Variants in SYNPO2 observed in about 807,000 individuals in gnomAD.
SYNPO2 encodes synaptopodin-2.
Under a neutral mutation model 85.0 loss-of-function variants are expected in SYNPO2, and 56 were observed. The observed-to-expected ratio is 0.66, with a 90% CI of 0.53 to 0.82. SYNPO2 has a LOEUF of 0.82. SYNPO2 is among the 40% of genes least tolerant of loss of function. SYNPO2 has a pLI of 0.00. For synonymous variants in SYNPO2, 602 were observed against 591.1 expected (o/e 1.02, Z -0.27); for missense variants, 1,575 against 1,534.2 (o/e 1.03, Z -0.44).
At position 118,895,764 on chromosome 4, in the gene SYNPO2, G is replaced by T. The variant is rs187680081; in HGVS notation, c.105+6623G>T. On this transcript the variant is annotated intron_variant, in intron 1 of 4. Coordinates refer to ENST00000307142, the MANE Select transcript of SYNPO2 (RefSeq NM_133477.3). ...GGGGACATCAGTATGCAGTGTCATT[G>T]TGACATACACATTATACCTAACTGG... 6.0e-3 allele frequency among the ~76,000 whole-genome samples: 916 copies of T among 152,272 alleles called. 4 individuals carry two copies. Among genetic ancestry groups the T allele is most frequent in the Non-Finnish European group, 9.6e-3 (654 of 68,016 alleles).
intron 1 of SYNPO2, among the ~76,000 whole-genome samples, chr4:118,857,659 TAGTTA>T (rs1221068656): frequency 6.6e-6 from 1 of 152,162 alleles, no homozygotes; most frequent in Non-Finnish European, 1.5e-5. Context: ...ACATGAAAAT[TAGTTA>T]AAAGAAAAGC....
At chr4:118,976,028 T>G (rs115353901) in intron 1 of SYNPO2, among the ~76,000 whole-genome samples, 108 of 152,342 alleles carry the variant, frequency 7.1e-4, no homozygotes, top group Non-Finnish European at 1.3e-3. Flanking sequence ...CTACCAGAGC[T>G]TTTGAAATCT....
intron 4 of SYNPO2, among the ~76,000 whole-genome samples, chr4:119,045,380 G>A (rs1230276872): frequency 6.6e-6 from 1 of 152,122 alleles, no homozygotes; most frequent in African/African-American, 2.4e-5. Context: ...GAGCCCGGGA[G>A]GTTAAGGCTG....
rs1477963009 is a variant in SYNPO2, at chr4:119,060,257, T to C, written c.*2323T>C. ...TGCATGCACTAGATCAATATTATCA[T>C]CTGTATTAAGCTATCTGAATTTATT... On this transcript the variant is annotated 3_prime_UTR_variant, in exon 5 of 5. Transcript: ENST00000307142. 2.0e-5 allele frequency: 3 copies of C among 152,186 alleles called. No individual in the cohort carries two copies. Among genetic ancestry groups the C allele is most frequent in the Non-Finnish European group, 4.4e-5 (3 of 68,018 alleles). 9.4% of individuals were successfully genotyped at this position (152,186 alleles called of 1,614,324 possible).
intron 1 of SYNPO2, among the ~76,000 whole-genome samples, chr4:118,917,383 C>T (rs1173566296): frequency 6.6e-6 from 1 of 152,010 alleles, no homozygotes; most frequent in Non-Finnish European, 1.5e-5. Flanking sequence ...AAGAGTGAAA[C>T]TCCATCTCGA....
chr4:119,005,715 T>C (rs1737009630), intron 1 of SYNPO2, among the ~76,000 whole-genome samples: 1 of 152,140 alleles, frequency 6.6e-6, no homozygotes, highest in Non-Finnish European at 1.5e-5. Flanking sequence ...ATGTGGGCTC[T>C]TTTTTGGTTC....
rs962829411 is a variant in SYNPO2 at position 118,941,842 on chromosome 4, G to A, written c.105+52701G>A. 8.9e-4 allele frequency among the ~76,000 whole-genome samples: 136 copies of A among 152,324 alleles called. 1 individual carries two copies. Among genetic ancestry groups the A allele is most frequent in the African/African-American group, 3.1e-3 (130 of 41,566 alleles). On this transcript the variant is annotated intron_variant, in intron 1 of 4. Coordinates refer to ENST00000307142, the MANE Select transcript of SYNPO2 (RefSeq NM_133477.3). ...ATTCAGAAAGCAGAAAAGAACGAGG[G>A]GAAGGCAGAGGCCACCGCCTTTACT...
intron 4 of SYNPO2, chr4:119,032,352 A>G: frequency 8.0e-7 from 1 of 1,252,432 alleles, no homozygotes; most frequent in Admixed American, 3.7e-5. Flanking sequence ...GCCACAAGAA[A>G]GACAGTGATC....
At position 118,924,664 on chromosome 4, in the gene SYNPO2, G is replaced by A. The variant is rs117861306; in HGVS notation, c.105+35523G>A. 4.6e-5 allele frequency among the ~76,000 whole-genome samples: 7 copies of A among 152,288 alleles called. No homozygotes were observed. In the East Asian group the frequency reaches 5.8e-4, roughly 13 times the overall value. ...TATATGGCACACTTCCTATGTGGAC[G>A]TGCTAGAGGGCTGTAGAATCTCCAA... is the stretch of plus-strand genomic sequence containing the variant. On this transcript the variant is annotated intron_variant, in intron 1 of 4. Transcript: ENST00000307142.
chr4:119,031,629 A>G lies in SYNPO2; in HGVS notation c.2854A>G (p.Lys952Glu), dbSNP rs1251346371. 1 of 1,614,206 alleles carries G rather than the reference A, an allele frequency of 6.2e-7. No homozygotes were observed. Among genetic ancestry groups the G allele is most frequent in the East Asian group, 2.2e-5 (1 of 44,880 alleles). ...AGCTGCACAGCCCTCCAAAATGGGCAAGAAAAAGGGAAAGAAACCCCTCAA... is the reference window on the plus strand; with the variant it reads ...AGCTGCACAGCCCTCCAAAATGGGCGAGAAAAAGGGAAAGAAACCCCTCAA... ...PSAAQPSKMGKKKGKKPLNAL... is the reference protein window; with the variant it reads ...PSAAQPSKMGEKKGKKPLNAL... The change falls in exon 4 of 5, where the codon AAG (lysine) becomes GAG (glutamate). Residue 952 changes from lysine (K) to glutamate (E), a missense_variant. This residue lies in a region of SYNPO2 where 1,508 missense variants were observed against 1,446.8 expected (regional missense o/e 1.04). Transcript: ENST00000307142.
At chr4:119,056,848 CTGG>C (rs1174903805) in intron 4 of SYNPO2, among the ~76,000 whole-genome samples, 1 of 152,142 alleles carries the variant, frequency 6.6e-6, no homozygotes, top group African/African-American at 2.4e-5. Flanking sequence ...CTAAGAAGCT[CTGG>C]TTTGTTTTTG....
At chr4:119,038,640 T>C in intron 4 of SYNPO2, 1 of 848,778 alleles carries the variant, frequency 1.2e-6, no homozygotes, top group Non-Finnish European at 1.4e-6. Flanking sequence ...CTTAAGGCAT[T>C]TCAACAAGAA....
At chr4:119,019,302 T>C (rs1416816105) in intron 1 of SYNPO2, among the ~76,000 whole-genome samples, 1 of 152,166 alleles carries the variant, frequency 6.6e-6, no homozygotes, top group African/African-American at 2.4e-5. Context: ...TATCTCTTAG[T>C]TATGTGATCT....
chr4:119,054,357 T>C (rs1267512094), intron 4 of SYNPO2, among the ~76,000 whole-genome samples: 2 of 152,136 alleles, frequency 1.3e-5, no homozygotes. Flanking sequence ...AAAGGGCCGG[T>C]GTGATGGCCT....
intron 1 of SYNPO2, among the ~76,000 whole-genome samples, chr4:118,985,764 A>G (rs528672190): frequency 1.1e-4 from 16 of 152,326 alleles, no homozygotes; most frequent in South Asian, 6.2e-4. Flanking sequence ...GTGTCCTTAC[A>G]GTATCCCTGA....
intron 1 of SYNPO2, among the ~76,000 whole-genome samples, chr4:118,989,164 C>G (rs888140638): frequency 6.6e-6 from 1 of 152,180 alleles, no homozygotes; most frequent in African/African-American, 2.4e-5. Context: ...GAGCTTGGTT[C>G]CGGCTGCACT....
intron 1 of SYNPO2, among the ~76,000 whole-genome samples, chr4:118,877,090 A>C (rs1274617729): frequency 6.6e-6 from 1 of 152,006 alleles, no homozygotes; most frequent in African/African-American, 2.4e-5. Context: ...GCAGGGAGCC[A>C]CTGCACCTGG....
At chr4:118,922,333 T>C (rs1733568577) in intron 1 of SYNPO2, among the ~76,000 whole-genome samples, 1 of 152,114 alleles carries the variant, frequency 6.6e-6, no homozygotes, top group Non-Finnish European at 1.5e-5. Flanking sequence ...TCCTTCAGGT[T>C]TACAGAAAGA....
chr4:119,026,853 C>T lies in SYNPO2; in HGVS notation c.484C>T (p.Pro162Ser). Residue 162 changes from proline (P) to serine (S), a missense_variant, in exon 3 of 5, where the codon CCG becomes TCG. Pro to Ser is a moderately conservative substitution (Grantham distance 74). Coordinates refer to ENST00000307142, the MANE Select transcript of SYNPO2 (RefSeq NM_133477.3). ...CAGSLKEETG[P>S]SYQRAPQMPD... ...AGGCAGCTTGAAAGAAGAAACAGGCCCGAGCTACCAAAGGGCTCCCCAAAT... is the reference window on the plus strand; with the variant it reads ...AGGCAGCTTGAAAGAAGAAACAGGCTCGAGCTACCAAAGGGCTCCCCAAAT... 6.2e-7 allele frequency: 1 copy of T among 1,614,018 alleles called. No individual in the cohort carries two copies. Among genetic ancestry groups the T allele is most frequent in the Non-Finnish European group, 8.5e-7 (1 of 1,179,982 alleles).
Sources: gnomAD v4.1 joint callset for allele counts (sites outside exome capture counted in the v4.1 genomes callset) on GRCh38, gnomAD v4.1.1 for gene constraint, gnomAD v4.1.1 regional missense constraint, MANE v1.5 for transcripts, NCBI Gene and HGNC (gene_info 2026-07-23, HGNC 2026-07-21) for gene names.